Variants in SLC45A4 observed in about 807,000 individuals in gnomAD.
SLC45A4 encodes solute carrier family 45 member 4.
Under a neutral mutation model 63.7 loss-of-function variants are expected in SLC45A4, and 32 were observed. The observed-to-expected ratio is 0.50, with a 90% confidence interval of 0.38 to 0.67. The LOEUF (loss-of-function observed/expected upper bound fraction) is 0.67. SLC45A4 is among the 30% of genes least tolerant of loss of function. SLC45A4 has a pLI of 0.00. For synonymous variants in SLC45A4, 535 were observed against 510.0 expected (o/e 1.05, Z -0.66); for missense variants, 1,027 against 1,157.7 (o/e 0.89, Z 1.64).
At chr8:141,231,742 G>A (rs933290776) in intron 2 of SLC45A4, among the ~76,000 whole-genome samples, 2 of 152,228 alleles carry the variant, frequency 1.3e-5, no homozygotes, top group Non-Finnish European at 2.9e-5. Flanking sequence ...ACATTGACAG[G>A]CACAGTAGGA....
At chr8:141,244,459 G>A (rs1828070962) in intron 2 of SLC45A4, among the ~76,000 whole-genome samples, 1 of 152,200 alleles carries the variant, frequency 6.6e-6, no homozygotes, top group African/African-American at 2.4e-5. Context: ...CTGGGCATGG[G>A]AACAAAGGTG....
At chr8:141,284,390 C>T (rs888706096) in intron 1 of SLC45A4, among the ~76,000 whole-genome samples, 5 of 152,250 alleles carry the variant, frequency 3.3e-5, no homozygotes, top group African/African-American at 1.2e-4. Context: ...CGCACCAGCT[C>T]GGGAGGGAGG....
chr8:141,250,063 C>T (rs12543661), intron 2 of SLC45A4, among the ~76,000 whole-genome samples: 44,463 of 152,074 alleles, frequency 0.29, 7,002 homozygotes, highest in East Asian at 0.48. Flanking sequence ...CAACTCTCCC[C>T]ATTTCAGTCA....
intron 1 of SLC45A4, among the ~76,000 whole-genome samples, chr8:141,262,936 T>G (rs1450529738): frequency 2.0e-4 from 30 of 151,200 alleles, no homozygotes; most frequent in South Asian, 1.5e-3. Context: ...GCAGCACTAT[T>G]CACAATAGCA....
intron 1 of SLC45A4, among the ~76,000 whole-genome samples, chr8:141,279,736 C>G (rs967040548): frequency 2.6e-5 from 4 of 152,270 alleles, no homozygotes; most frequent in Non-Finnish European, 5.9e-5. Flanking sequence ...GGAGTCTTTA[C>G]AAGAACAGCC....
chr8:141,288,463 C>T (rs1426962860), intron 1 of SLC45A4, among the ~76,000 whole-genome samples: 1 of 152,238 alleles, frequency 6.6e-6, no homozygotes, highest in East Asian at 1.9e-4. Context: ...AGGCAAAAGC[C>T]CTGACCGTGT....
chr8:141,211,730 G>A (rs547832389), intron 8 of SLC45A4, 33 bp from the exon 9 acceptor site: 1 of 1,511,144 alleles, frequency 6.6e-7, no homozygotes, highest in Admixed American at 2.2e-5. Flanking sequence ...AAATATTTTA[G>A]TCACTGACTA....
intron 1 of SLC45A4, among the ~76,000 whole-genome samples, chr8:141,279,072 A>G (rs1419411669): frequency 6.6e-6 from 1 of 150,692 alleles, no homozygotes; most frequent in East Asian, 2.0e-4. Flanking sequence ...CAAGACCCCC[A>G]CCTCTGTGAC....
rs1828775245 is a variant in SLC45A4 at position 141,256,396 on chromosome 8, G to T, written c.-400-1767C>A. On this transcript the variant is annotated intron_variant, in intron 1 of 8. Coordinates refer to ENST00000517878, the MANE Select transcript of SLC45A4 (RefSeq NM_001286646.2). The surrounding 1 kb of genome is among the most constrained non-coding windows in gnomAD (Gnocchi z 4.3). ...AAAATATTTCTCATTACTTTCCACC[G>T]AACCAAAGGTGGTCTTAATTAGCTC... The T allele has an allele frequency of 2.8e-6, 1 of 360,168 alleles. No homozygotes were observed. The highest frequency in any genetic ancestry group is 2.1e-5 in the African/African-American group (1 of 46,732). 22.3% of individuals were successfully genotyped at this position (360,168 alleles called of 1,614,324 possible).
intron 1 of SLC45A4, among the ~76,000 whole-genome samples, chr8:141,266,643 A>G (rs1197774698): frequency 6.6e-6 from 1 of 152,266 alleles, no homozygotes; most frequent in African/African-American, 2.4e-5. Context: ...CAAACGGGGT[A>G]AAAGTATTCG....
At chr8:141,294,996 C>A (rs976024690) in intron 1 of SLC45A4, among the ~76,000 whole-genome samples, 3 of 152,220 alleles carry the variant, frequency 2.0e-5, no homozygotes, top group African/African-American at 7.2e-5. Flanking sequence ...GCAGCAGGTT[C>A]CCCAGGTTCT....
At chr8:141,283,456 CAG>C (rs1830031393) in intron 1 of SLC45A4, among the ~76,000 whole-genome samples, 1 of 152,214 alleles carries the variant, frequency 6.6e-6, no homozygotes, top group South Asian at 2.1e-4. Context: ...GAGAAGGCAG[CAG>C]AGAGGAGAAC....
At chr8:141,279,238 T>C (rs1829847618) in intron 1 of SLC45A4, among the ~76,000 whole-genome samples, 1 of 152,218 alleles carries the variant, frequency 6.6e-6, no homozygotes, top group African/African-American at 2.4e-5. Flanking sequence ...CGGCCTTTCC[T>C]TGCCTCCCAT....
intron 1 of SLC45A4, among the ~76,000 whole-genome samples, chr8:141,285,719 G>A (rs865855857): frequency 3.1e-4 from 47 of 152,322 alleles, no homozygotes; most frequent in Middle Eastern, 3.4e-3. Flanking sequence ...CACAACCCAC[G>A]GCGGAAAGCA....
intron 1 of SLC45A4, among the ~76,000 whole-genome samples, chr8:141,304,016 G>A (rs941990598): frequency 1.3e-5 from 2 of 152,100 alleles, no homozygotes; most frequent in Admixed American, 6.5e-5. Context: ...ATTCCCCCCC[G>A]CGGCTCCCGA....
intron 8 of SLC45A4, 135 bp downstream of exon 8, chr8:141,212,062 C>G: frequency 7.1e-7 from 1 of 1,403,320 alleles, no homozygotes; most frequent in Non-Finnish European, 9.2e-7. Context: ...GGGGCTCTGG[C>G]CCGCACTGCC....
At chr8:141,302,348 G>T (rs887425190) in intron 1 of SLC45A4, among the ~76,000 whole-genome samples, 1 of 151,480 alleles carries the variant, frequency 6.6e-6, no homozygotes, top group Admixed American at 6.6e-5. Context: ...CAACCTCCAC[G>T]CCACTCACCA....
chr8:141,250,398 G>T (rs1208063343), intron 2 of SLC45A4, among the ~76,000 whole-genome samples: 1 of 137,946 alleles, frequency 7.2e-6, no homozygotes, highest in Non-Finnish European at 1.6e-5. Context: ...GCTGGTGTGA[G>T]TGGTTTTTTT....
intron 1 of SLC45A4, among the ~76,000 whole-genome samples, chr8:141,290,118 A>C (rs1190864327): frequency 6.6e-6 from 1 of 152,204 alleles, no homozygotes; most frequent in East Asian, 1.9e-4. Flanking sequence ...ACATGTCCAT[A>C]TATAATATAT....
Sources: allele counts gnomAD v4.1 joint callset (sites outside exome capture counted in the v4.1 genomes callset), GRCh38; gene constraint gnomAD v4.1.1; non-coding constraint Gnocchi (gnomAD v3.1); transcripts MANE v1.5; gene names NCBI Gene and HGNC (gene_info 2026-07-23, HGNC 2026-07-21).